The following KHDRBS2 variants were observed in gnomAD, a reference collection of about 807,000 sequenced individuals.
The protein encoded by KHDRBS2 is KH RNA binding domain containing, signal transduction associated 2.
In KHDRBS2, 26 loss-of-function variants were observed where a neutral mutation model predicts 44.3. The observed-to-expected ratio is 0.59, with a 90% CI of 0.43 to 0.81. The LOEUF (loss-of-function observed/expected upper bound fraction) is 0.81. Among genes scored for constraint, KHDRBS2 ranks in the 40% least tolerant of loss-of-function variants. The pLI is 0.00. For missense variants in KHDRBS2, 476 were observed against 433.1 expected, an observed-to-expected ratio of 1.10 and a Z score of -0.88; for synonymous variants, 194 against 151.1, an observed-to-expected ratio of 1.28 and a Z score of -2.08.
chr6:62,081,847 A>G (rs559807743), intron 2 of KHDRBS2, among the ~76,000 whole-genome samples: 2 of 151,986 alleles, frequency 1.3e-5, no homozygotes, highest in African/African-American at 4.8e-5. Flanking sequence ...GGGAGAAAAA[A>G]GAGAAATTAT....
At chr6:62,170,700 C>T (rs1213268908) in intron 2 of KHDRBS2, among the ~76,000 whole-genome samples, 2 of 152,054 alleles carry the variant, frequency 1.3e-5, no homozygotes, top group Non-Finnish European at 2.9e-5. Flanking sequence ...CTTTGGCTGG[C>T]ACTCCCCATC....
intron 2 of KHDRBS2, among the ~76,000 whole-genome samples, chr6:62,113,427 G>A (rs1421204418): frequency 6.6e-6 from 1 of 152,090 alleles, no homozygotes; most frequent in African/African-American, 2.4e-5. Flanking sequence ...TTAATTTGGA[G>A]AAATCATTTT....
intron 6 of KHDRBS2, among the ~76,000 whole-genome samples, chr6:61,861,893 C>T (rs898782083): frequency 4.6e-5 from 7 of 152,070 alleles, no homozygotes; most frequent in African/African-American, 1.7e-4. Flanking sequence ...TTTCTTTGAG[C>T]AGTGGTTTGT....
At chr6:61,842,409 A>G (rs1793724355) in intron 6 of KHDRBS2, among the ~76,000 whole-genome samples, 1 of 152,178 alleles carries the variant, frequency 6.6e-6, no homozygotes, top group Admixed American at 6.5e-5. Context: ...CACAGTCTAT[A>G]TTACCTTTGC....
At chr6:61,942,881 C>T (rs1392034438) in intron 4 of KHDRBS2, among the ~76,000 whole-genome samples, 3 of 149,370 alleles carry the variant, frequency 2.0e-5, no homozygotes, top group Admixed American at 6.7e-5. Context: ...GATTTCTCAG[C>T]AGAAACCTTA....
rs1274615109 is a variant in KHDRBS2 at position 61,736,534 on chromosome 6, T to C, written c.811-3770A>G. Among the ~76,000 whole-genome samples the C allele has an allele frequency of 4.3e-4, 66 of 152,086 alleles. 1 individual carries two copies. The highest frequency in any genetic ancestry group is 4.3e-3 in the Admixed American group (66 of 15,244). On this transcript the variant is annotated intron_variant, in intron 6 of 8. Transcript: ENST00000281156. ...ATAAAAATATGGCTTTACTCACCTT[T>C]ATTTCTTATGCAAGACTCAAGGTCT...
chr6:62,174,880 C>T (rs1820770276), intron 2 of KHDRBS2, among the ~76,000 whole-genome samples: 2 of 151,700 alleles, frequency 1.3e-5, no homozygotes, highest in Non-Finnish European at 3.0e-5. Context: ...TTCTGCTTAA[C>T]AGCTCATAGT....
intron 6 of KHDRBS2, among the ~76,000 whole-genome samples, chr6:61,826,416 G>A (rs1245298557): frequency 5.9e-5 from 9 of 152,036 alleles, no homozygotes; most frequent in African/African-American, 1.2e-4. Flanking sequence ...TTTGACAGTG[G>A]CTCCTGTCTG....
intron 1 of KHDRBS2, among the ~76,000 whole-genome samples, chr6:62,284,552 A>AT (rs137912758): frequency 1.1e-4 from 17 of 151,612 alleles, no homozygotes; most frequent in Admixed American, 3.9e-4. Context: ...TTTAATTTAT[A>AT]TTTTTTTTCA....
chr6:61,848,504 T>TAC (rs1246478978), intron 6 of KHDRBS2, among the ~76,000 whole-genome samples: 2 of 55,188 alleles, frequency 3.6e-5, no homozygotes, highest in African/African-American at 2.1e-4. Flanking sequence ...TATATATATA[T>TAC]ATATATGTAT....
the KHDRBS2 span, among the ~76,000 whole-genome samples, chr6:61,588,546 G>T: frequency 2.6e-5 from 4 of 152,100 alleles, no homozygotes; most frequent in African/African-American, 7.2e-5. Flanking sequence ...ACTTTGCAAG[G>T]CTGAGGTGGG....
the KHDRBS2 span, among the ~76,000 whole-genome samples, chr6:61,631,169 C>A: frequency 6.6e-6 from 1 of 151,832 alleles, no homozygotes; most frequent in Non-Finnish European, 1.5e-5. Flanking sequence ...TCAGGACGTG[C>A]CATCATTTTA....
At chr6:62,194,272 T>A (rs561031292) in intron 1 of KHDRBS2, among the ~76,000 whole-genome samples, 236 of 151,768 alleles carry the variant, frequency 1.6e-3, no homozygotes, top group Non-Finnish European at 2.9e-3. Context: ...CCAACTTCAT[T>A]TTTTTTGCAT....
chr6:61,599,028 G>A, the KHDRBS2 span, among the ~76,000 whole-genome samples: 2 of 151,748 alleles, frequency 1.3e-5, no homozygotes, highest in Non-Finnish European at 2.9e-5. Context: ...CCACCTCCCA[G>A]GTTTAAGCAA....
At chr6:62,186,343 A>G (rs1427348111) in intron 1 of KHDRBS2, among the ~76,000 whole-genome samples, 1 of 152,106 alleles carries the variant, frequency 6.6e-6, no homozygotes, top group Non-Finnish European at 1.5e-5. Context: ...TAAGAGCATA[A>G]CGAATACTAG....
At chr6:61,779,400 T>C (rs775660484) in intron 6 of KHDRBS2, among the ~76,000 whole-genome samples, 2 of 152,108 alleles carry the variant, frequency 1.3e-5, no homozygotes, top group Non-Finnish European at 2.9e-5. Flanking sequence ...ATGAAAATAG[T>C]ATGGGAACCA....
At chr6:61,892,969 G>T (rs9363424) in intron 6 of KHDRBS2, among the ~76,000 whole-genome samples, 73,042 of 150,960 alleles carry the variant, frequency 0.48, 17,854 homozygotes, top group East Asian at 0.57. Flanking sequence ...ACAGGCAACT[G>T]ACAGAATGGG....
chr6:62,015,848 G>A (rs990908647), intron 3 of KHDRBS2, among the ~76,000 whole-genome samples: 62 of 152,132 alleles, frequency 4.1e-4, no homozygotes, highest in African/African-American at 1.3e-3. Flanking sequence ...AGTACAATTA[G>A]CATTCCCTCT....
chr6:61,875,314 C>T (rs1318874873), intron 6 of KHDRBS2, among the ~76,000 whole-genome samples: 1 of 151,888 alleles, frequency 6.6e-6, no homozygotes, highest in Non-Finnish European at 1.5e-5. Context: ...AGGCCGAAGC[C>T]AGGCTTATAG....
Sources: gnomAD v4.1 joint callset for allele counts (sites outside exome capture counted in the v4.1 genomes callset) on GRCh38, gnomAD v4.1.1 for gene constraint, MANE v1.5 for transcripts, NCBI Gene and HGNC (gene_info 2026-07-23, HGNC 2026-07-21) for gene names.